Variants in CRYBG3 observed in about 807,000 individuals in gnomAD.
The protein encoded by CRYBG3 is very large A-kinase anchor protein.
CRYBG3 carries 127 observed loss-of-function variants against 244.2 expected under a neutral mutation model. The observed-to-expected ratio is 0.52, with a 90% CI of 0.45 to 0.60. CRYBG3 has a LOEUF of 0.60. Ranked by LOEUF, CRYBG3 falls within the 20% of genes least tolerant of loss-of-function variation. The probability of loss-of-function intolerance (pLI) is 0.00; values close to 1 mark genes in which losing one functional copy is unlikely to be tolerated. For missense variants in CRYBG3, 3,325 were observed against 3,442.5 expected (o/e 0.97, Z 0.85); for synonymous variants, 1,132 against 1,195.8 (o/e 0.95, Z 1.10).
rs2039398383 is a variant in CRYBG3 at position 97,877,774 on chromosome 3, A to G, written c.6580A>G (p.Lys2194Glu). 1 of 1,614,078 alleles carries G rather than the reference A, an allele frequency of 6.2e-7. No individual in the cohort carries two copies. The highest frequency in any genetic ancestry group is 8.5e-7 in the Non-Finnish European group (1 of 1,180,006). Reference protein sequence around the residue: ...PDDQESVGISKNSYVMPNEPT... With the variant: ...PDDQESVGISENSYVMPNEPT... ...TGACCAGGAGAGCGTTGGAATTTCT[A>G]AGAATTCATATGTGATGCCAAATGA... The change falls in exon 4 of 22, where the codon AAG (lysine) becomes GAG (glutamate). Residue 2194 changes from lysine to glutamate, a missense_variant. Transcript: ENST00000389622.
Position 97,869,887 on chromosome 3 carries a change from T to C in CRYBG3, c.648-1955T>C, listed in dbSNP as rs73851080. 4.7e-3 allele frequency among the ~76,000 whole-genome samples: 708 copies of C among 152,250 alleles called. 3 individuals carry two copies. The highest frequency in any genetic ancestry group is 0.015 in the African/African-American group (638 of 41,566). ...TTTAAGAAGTATTTAAGAGACACAG[T>C]TGGTGAAGTTTTTACATGTGAAAAG... On this transcript the variant is annotated intron_variant, in intron 3 of 21. Transcript: ENST00000389622.
chr3:97,871,928 A>G lies in CRYBG3; in HGVS notation c.734A>G (p.Gln245Arg). 3 of 1,535,770 alleles carry G rather than the reference A, an allele frequency of 2.0e-6. No individual in the cohort carries two copies. The highest frequency in any genetic ancestry group is 1.7e-4 in the Middle Eastern group (1 of 5,990). ...PRHIGKYLKQ[Q>R]TGLATVNTLD... Reference sequence around the variant, plus strand: ...CACATTGGGAAATATTTAAAGCAACAGACAGGCTTGGCAACTGTGAATACC... The same window carrying G: ...CACATTGGGAAATATTTAAAGCAACGGACAGGCTTGGCAACTGTGAATACC... The change falls in exon 4 of 22, where the codon CAG (glutamine) becomes CGG (arginine). Residue 245 changes from glutamine (Q) to arginine (R), a missense_variant. Gln to Arg is a conservative substitution (Grantham distance 43, BLOSUM62 1). Around this residue, in one of 4 missense-constraint regions of CRYBG3, gnomAD observed 1,526 missense variants for 1,443.2 expected, o/e 1.06. Transcript: ENST00000389622.
At chr3:97,823,827 A>C (rs1180033305) in intron 1 of CRYBG3, among the ~76,000 whole-genome samples, 1 of 152,218 alleles carries the variant, frequency 6.6e-6, no homozygotes. Flanking sequence ...GGCTCATGTC[A>C]GTAATGGCCT....
In CRYBG3 at chr3:97,886,659, T is replaced by C. The variant is rs560032380; in HGVS notation, c.7181T>C (p.Phe2394Ser). The C allele has an allele frequency of 8.1e-6, 13 of 1,605,176 alleles. No homozygotes were observed. Among genetic ancestry groups the C allele is most frequent in the Non-Finnish European group, 1.0e-5 (12 of 1,177,622 alleles). ...TGCAGCATTCCAGAAATAGAGCTTT[T>C]CCCACAATCTGACCCAGCCTGTTGT... Reference protein sequence around the residue: ...KDCSIPEIELFPQSDPACCPV... With the variant: ...KDCSIPEIELSPQSDPACCPV... Residue 2394 changes from phenylalanine to serine, a missense_variant, in exon 8 of 22, where the codon TTC becomes TCC. This residue lies in a region of CRYBG3 where 714 missense variants were observed against 803.6 expected (regional missense o/e 0.89). Coordinates refer to ENST00000389622, the MANE Select transcript of CRYBG3 (RefSeq NM_153605.4).
intron 21 of CRYBG3, 94 bp downstream of exon 21, chr3:97,942,537 G>T: frequency 8.9e-7 from 1 of 1,127,212 alleles, no homozygotes; most frequent in Non-Finnish European, 1.2e-6. Context: ...TTATGTATAA[G>T]AGAAATGTTA....
In CRYBG3 at chr3:97,872,336, C is replaced by T. The variant is rs2039315134; in HGVS notation, c.1142C>T (p.Ser381Leu). 6.5e-7 allele frequency: 1 copy of T among 1,535,816 alleles called. No individual in the cohort carries two copies. The change falls in exon 4 of 22, where the codon TCA (serine) becomes TTA (leucine). Residue 381 changes from serine (S) to leucine (L), a missense_variant. By Grantham distance (145) the Ser-to-Leu change is moderately radical. Transcript: ENST00000389622. The stretch of plus-strand genomic sequence containing the variant: ...CAGACTAACAGAAATTTGGTATGTT[C>T]AGCATTGTTAACAGGAAGTAACCAT... ...VSQTNRNLVC[S>L]ALLTGSNHRK...
chr3:97,850,544 G>A (rs2038969994), intron 2 of CRYBG3, among the ~76,000 whole-genome samples: 1 of 152,100 alleles, frequency 6.6e-6, no homozygotes, highest in Admixed American at 6.5e-5. Flanking sequence ...ACTGATGTGT[G>A]ATGATATAAA....
chr3:97,855,602 G>T (rs551408301), intron 2 of CRYBG3, among the ~76,000 whole-genome samples: 1 of 152,092 alleles, frequency 6.6e-6, no homozygotes, highest in Non-Finnish European at 1.5e-5. Context: ...AACCTGCCCC[G>T]ATAGTCACGT....
chr3:97,931,135 C>T (rs1227499336), intron 17 of CRYBG3, among the ~76,000 whole-genome samples: 2 of 152,058 alleles, frequency 1.3e-5, no homozygotes, highest in East Asian at 1.9e-4. Context: ...GTCTGTATAC[C>T]TTTATAGCCT....
chr3:97,838,644 G>A (rs1470860287), intron 1 of CRYBG3, among the ~76,000 whole-genome samples: 5 of 152,108 alleles, frequency 3.3e-5, no homozygotes, highest in African/African-American at 4.8e-5. Context: ...CACCAAGAAC[G>A]GTGCCTGACA....
Position 97,822,095 on chromosome 3 carries a change from T to C in CRYBG3, c.-112T>C. ...GACTGAGCCGCGCTGGCAGCTCGCG[T>C]CGAGTCGGTCTGCCCTAGCCGCATC... is the stretch of plus-strand genomic sequence containing the variant. On this transcript the variant is annotated 5_prime_UTR_variant, in exon 1 of 22. Coordinates refer to ENST00000389622, the MANE Select transcript of CRYBG3 (RefSeq NM_153605.4). 1 of 893,644 alleles carries C rather than the reference T, an allele frequency of 1.1e-6. No individual in the cohort carries two copies. Among genetic ancestry groups the C allele is most frequent in the Non-Finnish European group, 1.5e-6 (1 of 664,518 alleles). The allele number at this position is 893,644 out of a possible 1,614,324, so 55.4% of individuals were successfully genotyped here.
Position 97,929,876 on chromosome 3 carries a change from TTTTG to T in CRYBG3, c.8242-3815_8242-3812del, listed in dbSNP as rs542887221. ...TTAAAAACATAGATGTTTACACATT[TTTTG>T]TTCCCTCCATCAAGCTTTTTATCTT... On this transcript the variant is annotated intron_variant, in intron 17 of 21. Coordinates refer to ENST00000389622, the MANE Select transcript of CRYBG3 (RefSeq NM_153605.4). Among the ~76,000 whole-genome samples the T allele has an allele frequency of 6.2e-4, 94 of 152,180 alleles. 2 individuals carry two copies. The South Asian group carries it at 0.018, about 30-fold the overall frequency.
chr3:97,870,519 T>C (rs1244273678), intron 3 of CRYBG3, among the ~76,000 whole-genome samples: 1 of 152,212 alleles, frequency 6.6e-6, no homozygotes, highest in African/African-American at 2.4e-5. Flanking sequence ...GTACCACATT[T>C]TCTTTATCCA....
chr3:97,886,624 T>G lies in CRYBG3; in HGVS notation c.7153-7T>G. 1 of 1,589,470 alleles carries G rather than the reference T, an allele frequency of 6.3e-7. No homozygotes were observed. On this transcript the variant is annotated splice_region_variant and splice_polypyrimidine_tract_variant and intron_variant, in intron 7 of 21. Transcript: ENST00000389622. ...GATTTCAAAGCCAAATTATTTTTTT[T>G]TTTCAGGACTGCAGCATTCCAGAAA... is the stretch of plus-strand genomic sequence containing the variant.
At chr3:97,886,014 G>A (rs1256035450) in intron 7 of CRYBG3, among the ~76,000 whole-genome samples, 1 of 152,112 alleles carries the variant, frequency 6.6e-6, no homozygotes, top group Non-Finnish European at 1.5e-5. Context: ...AGGACAATGG[G>A]TGCATGATTT....
rs932695363 is a variant in CRYBG3, at chr3:97,875,559, A to C, written c.4365A>C (p.Glu1455Asp). 2 of 1,243,224 alleles carry C rather than the reference A, an allele frequency of 1.6e-6. No homozygotes were observed. The highest frequency in any genetic ancestry group is 3.1e-5 in the African/African-American group (2 of 64,480). The allele number at this position is 1,243,224 out of a possible 1,614,324, so 77.0% of individuals were successfully genotyped here. The change falls in exon 4 of 22, where the codon GAA (glutamate) becomes GAC (aspartate). Residue 1455 changes from glutamate to aspartate, a missense_variant. Around this residue, in one of 4 missense-constraint regions of CRYBG3, gnomAD observed 635 missense variants for 771.7 expected, o/e 0.82. Transcript: ENST00000389622. ...FRSEDCNETM[E>D]IENVDNNKTE... Reference sequence around the variant, plus strand: ...GTGAGGACTGTAATGAGACAATGGAAATAGAGAATGTGGATAATAACAAAA... The same window carrying C: ...GTGAGGACTGTAATGAGACAATGGACATAGAGAATGTGGATAATAACAAAA...
In CRYBG3 at chr3:97,876,968, T is replaced by G; in HGVS notation, c.5774T>G (p.Leu1925Arg). 1.1e-5 allele frequency: 16 copies of G among 1,511,262 alleles called. No homozygotes were observed. Among genetic ancestry groups the G allele is most frequent in the Non-Finnish European group, 1.4e-5 (16 of 1,133,430 alleles). 93.6% of individuals were successfully genotyped at this position (1,511,262 alleles called of 1,614,324 possible). A position where few individuals can be genotyped will look rare whatever the true frequency, so the allele number is the denominator to read the frequency against. The part of the protein sequence containing the change: ...KEGLIAHENR[L>R]PTYFRGYESP... ...GGCTTGATAGCACATGAAAATAGAC[T>G]TCCTACATATTTCAGGGGATATGAA... The change falls in exon 4 of 22, where the codon CTT becomes CGT. Residue 1925 changes from leucine to arginine, a missense_variant. Transcript: ENST00000389622.
rs1409667060 is a variant in CRYBG3 at position 97,941,196 on chromosome 3, A to T, written c.8554A>T (p.Thr2852Ser). 6.2e-7 allele frequency: 1 copy of T among 1,611,768 alleles called. No homozygotes were observed. Among genetic ancestry groups the T allele is most frequent in the Non-Finnish European group, 8.5e-7 (1 of 1,178,482 alleles). Residue 2852 changes from threonine (T) to serine (S), a missense_variant, in exon 20 of 22, where the codon ACA becomes TCA. Thr to Ser is a moderately conservative substitution (Grantham distance 58). Around this residue, in one of 4 missense-constraint regions of CRYBG3, gnomAD observed 714 missense variants for 803.6 expected, o/e 0.89. Transcript: ENST00000389622. Reference protein sequence around the residue: ...IKNRAQGEYLTVTGSLADTRA... With the variant: ...IKNRAQGEYLSVTGSLADTRA... ...GAACCGTGCCCAGGGTGAATATCTGACAGTCACTGGAAGTCTAGCAGACAC... is the reference window on the plus strand; with the variant it reads ...GAACCGTGCCCAGGGTGAATATCTGTCAGTCACTGGAAGTCTAGCAGACAC...
intron 2 of CRYBG3, among the ~76,000 whole-genome samples, chr3:97,853,697 T>A (rs1023707736): frequency 2.0e-5 from 3 of 152,228 alleles, no homozygotes; most frequent in Non-Finnish European, 2.9e-5. Context: ...TGTTCTCCTT[T>A]CACTGAATCC....
Sources: gnomAD v4.1 joint callset for allele counts (sites outside exome capture counted in the v4.1 genomes callset) on GRCh38, gnomAD v4.1.1 for gene constraint, gnomAD v4.1.1 regional missense constraint, MANE v1.5 for transcripts, NCBI Gene and HGNC (gene_info 2026-07-23, HGNC 2026-07-21) for gene names.